Variants in CARS1 observed in about 807,000 individuals in gnomAD.
CARS1 encodes cysteine--tRNA ligase, cytoplasmic.
A neutral mutation model predicts 106.2 loss-of-function variants in CARS1; 48 were observed. The ratio of observed to expected loss-of-function variants is 0.45; its 90% CI spans 0.36 to 0.57. The LOEUF is 0.57. Ranked by LOEUF, CARS1 falls within the 20% of genes least tolerant of loss-of-function variation. The pLI is 0.00. For missense variants in CARS1, 968 were observed against 1,057.2 expected, an observed-to-expected ratio of 0.92 and a Z score of 1.17; for synonymous variants, 409 against 403.4, an observed-to-expected ratio of 1.01 and a Z score of -0.17.
intron 17 of CARS1, among the ~76,000 whole-genome samples, chr11:3,015,336 G>A (rs1267444064): frequency 1.3e-5 from 2 of 152,256 alleles, no homozygotes; most frequent in Non-Finnish European, 2.9e-5. Context: ...CCAGCCCCAT[G>A]GGGACCGAGG....
Position 3,042,200 on chromosome 11 carries a change from T to C in CARS1, c.331A>G (p.Arg111Gly). 1 of 1,614,006 alleles carries C rather than the reference T, an allele frequency of 6.2e-7. No individual in the cohort carries two copies. The highest frequency in any genetic ancestry group is 8.5e-7 in the Non-Finnish European group (1 of 1,180,010). ...WSPPAGTQPC[R>G]LHLYNSLTRN... ...GTGAGGCTGTTGTAAAGGTGGAGTCTGCATGGCTGGGTCCCAGCAGGAGGG... is the reference window on the plus strand; with the variant it reads ...GTGAGGCTGTTGTAAAGGTGGAGTCCGCATGGCTGGGTCCCAGCAGGAGGG... Residue 111 changes from arginine (R) to glycine (G), a missense_variant, in exon 3 of 23, where the codon AGA (arginine) becomes GGA (glycine). Coordinates refer to ENST00000380525, the MANE Select transcript of CARS1 (RefSeq NM_001014437.3).
Position 3,048,020 on chromosome 11 carries a change from C to T in CARS1, c.26-19G>A, listed in dbSNP as rs754342932. The stretch of plus-strand genomic sequence containing the variant: ...TCAGGAGCTGCAAAGACAGAGGGCA[C>T]ATGGTGTCAGGCAGGCAGGCGGGCA... On this transcript the variant is annotated intron_variant, in intron 1 of 22. Coordinates refer to ENST00000380525, the MANE Select transcript of CARS1 (RefSeq NM_001014437.3). This position sits in a 1 kb window ranked among gnomAD's most constrained non-coding sequence, Gnocchi z 5.1. 3 of 1,606,644 alleles carry T rather than the reference C, an allele frequency of 1.9e-6. No homozygotes were observed. The highest frequency in any genetic ancestry group is 2.2e-5 in the South Asian group (2 of 90,940).
At position 3,006,864 on chromosome 11, in the gene CARS1, C is replaced by G. The variant is rs1448494002; in HGVS notation, c.2149+15G>C. ...CTCCTGGTAACTTTGTAGCAAACAG[C>G]AAGGGCTCACCCACCTTCGTGGTCT... On this transcript the variant is annotated intron_variant, in intron 19 of 22. Transcript: ENST00000380525. 7.5e-6 allele frequency: 12 copies of G among 1,609,826 alleles called. No homozygotes were observed. Among genetic ancestry groups the G allele is most frequent in the Non-Finnish European group, 1.0e-5 (12 of 1,176,106 alleles).
rs994773165 is a variant in CARS1, at chr11:3,055,444, G to A, written c.25+1899C>T. ...GTGTGAGCCACTGCGCCTGGCCTAC[G>A]ATTGGATTTTATTTCCTGTTCTCAT... On this transcript the variant is annotated intron_variant, in intron 1 of 22. Coordinates refer to ENST00000380525, the MANE Select transcript of CARS1 (RefSeq NM_001014437.3). Among the ~76,000 whole-genome samples the A allele has an allele frequency of 5.3e-5, 8 of 152,300 alleles. No homozygotes were observed. The East Asian group carries it at 5.8e-4, about 11-fold the overall frequency.
At chr11:3,056,792 G>C (rs888695626) in intron 1 of CARS1, among the ~76,000 whole-genome samples, 3 of 152,190 alleles carry the variant, frequency 2.0e-5, no homozygotes, top group Non-Finnish European at 4.4e-5. Context: ...AGGGAGCGAG[G>C]GCCCGCCCAG....
In CARS1 at chr11:3,016,239, G is replaced by C. The variant is rs1163331059; in HGVS notation, c.1918-390C>G. Among the ~76,000 whole-genome samples the C allele has an allele frequency of 3.7e-4, 39 of 104,212 alleles. 1 individual carries two copies. The highest frequency in any genetic ancestry group is 2.1e-4 in the Admixed American group (2 of 9,528). 68.4% of individuals were successfully genotyped at this position (104,212 alleles called of 152,430 possible). ...TTGCTTCTCTTTTTTTTTTTTTTTT[G>C]AGATGGAATCTCACTCTGTCGCCCA... On this transcript the variant is annotated intron_variant, in intron 16 of 22. Coordinates refer to ENST00000380525, the MANE Select transcript of CARS1 (RefSeq NM_001014437.3).
Position 3,052,784 on chromosome 11 carries a change from G to A in CARS1, c.25+4559C>T, listed in dbSNP as rs1855822639. 6.6e-6 allele frequency among the ~76,000 whole-genome samples: 1 copy of A among 152,208 alleles called. No homozygotes were observed. The highest frequency in any genetic ancestry group is 2.4e-5 in the African/African-American group (1 of 41,440). ...ATAGGTCAGCTTTCAAGTGGTCATG[G>A]GTTTGAGCCAGGCTGTGGATCAGTC... is the stretch of plus-strand genomic sequence containing the variant. On this transcript the variant is annotated intron_variant, in intron 1 of 22. Transcript: ENST00000380525. The surrounding 1 kb of genome is among the most constrained non-coding windows in gnomAD (Gnocchi z 4.6).
rs781727989 is a variant in CARS1, at chr11:3,006,319, G to A, written c.2149+560C>T. ...AAATTAGCCGAGCGTGGTGATGGGC[G>A]TCTGTAATCCCAGCTACTCGGGAGG... On this transcript the variant is annotated intron_variant, in intron 19 of 22. Coordinates refer to ENST00000380525, the MANE Select transcript of CARS1 (RefSeq NM_001014437.3). Among the ~76,000 whole-genome samples, 7 of 152,250 alleles carry A rather than the reference G, an allele frequency of 4.6e-5. No homozygotes were observed. The South Asian group carries it at 1.2e-3, about 27-fold the overall frequency.
rs75861343 is a variant in CARS1 at position 3,050,449 on chromosome 11, G to C, written c.26-2448C>G. Among the ~76,000 whole-genome samples the C allele has an allele frequency of 2.6e-3, 392 of 152,222 alleles. 2 individuals are homozygous for C. Among genetic ancestry groups the C allele is most frequent in the African/African-American group, 9.1e-3 (377 of 41,516 alleles). On this transcript the variant is annotated intron_variant, in intron 1 of 22. Transcript: ENST00000380525. This position sits in a 1 kb window ranked among gnomAD's most constrained non-coding sequence, Gnocchi z 6.3. ...CCATAGCCAACCCACGGGAGGATCC[G>C]GGGCCTCTAACTCAAAAGAAGCTTT...
At position 3,048,209 on chromosome 11, in the gene CARS1, T is replaced by G. The variant is rs1250826765; in HGVS notation, c.26-208A>C. On this transcript the variant is annotated intron_variant, in intron 1 of 22. Transcript: ENST00000380525. This position sits in a 1 kb window ranked among gnomAD's most constrained non-coding sequence, Gnocchi z 5.1. ...TGACTGCCTGACAGGTATGGATGGGTTCCCTCTTGGGTGATGAAAATGCTT... is the reference window on the plus strand; with the variant it reads ...TGACTGCCTGACAGGTATGGATGGGGTCCCTCTTGGGTGATGAAAATGCTT... 3.6e-6 allele frequency: 2 copies of G among 560,418 alleles called. No individual in the cohort carries two copies. Among genetic ancestry groups the G allele is most frequent in the Non-Finnish European group, 3.1e-6 (1 of 318,268 alleles). The allele number at this position is 560,418 out of a possible 1,614,324, so 34.7% of individuals were successfully genotyped here.
At chr11:3,049,395 T>A (rs1855432735) in intron 1 of CARS1, among the ~76,000 whole-genome samples, 1 of 152,166 alleles carries the variant, frequency 6.6e-6, no homozygotes. Context: ...CTAAGGAATA[T>A]CTCCCTGCAA....
chr11:3,026,753 G>A lies in CARS1; in HGVS notation c.1076C>T (p.Ala359Val). The change falls in exon 10 of 23, where the codon GCT becomes GTT. Residue 359 changes from alanine (A) to valine (V), a missense_variant. Coordinates refer to ENST00000380525, the MANE Select transcript of CARS1 (RefSeq NM_001014437.3). ...GSVYFDTAKF[A>V]SSEKHSYGKL... ...CCCATAGGAGTGCTTCTCGCTAGAA[G>A]CAAACTTCGCTGTATCAAAGTAGAC... is the stretch of plus-strand genomic sequence containing the variant. 1 of 1,613,874 alleles carries A rather than the reference G, an allele frequency of 6.2e-7. No homozygotes were observed. The highest frequency in any genetic ancestry group is 8.5e-7 in the Non-Finnish European group (1 of 1,179,908).
rs750931201 is a variant in CARS1, at chr11:3,015,762, G to T, written c.1986+19C>A. On this transcript the variant is annotated intron_variant, in intron 17 of 22. Transcript: ENST00000380525. ...GGGAGGGAGCAGGTGCAGAAGGCAG[G>T]ACCCTGCATGCTACTCACACTGAGG... 2.8e-5 allele frequency: 45 copies of T among 1,611,984 alleles called. No homozygotes were observed. The highest frequency in any genetic ancestry group is 3.8e-5 in the Non-Finnish European group (45 of 1,178,162).
At position 3,019,194 on chromosome 11, in the gene CARS1, C is replaced by A. The variant is rs1407847554; in HGVS notation, c.1340G>T (p.Gly447Val). 2 of 1,531,464 alleles carry A rather than the reference C, an allele frequency of 1.3e-6. No homozygotes were observed. The highest frequency in any genetic ancestry group is 1.8e-6 in the Non-Finnish European group (2 of 1,141,510). 94.9% of individuals were successfully genotyped at this position (1,531,464 alleles called of 1,614,324 possible). A position where few individuals can be genotyped will look rare whatever the true frequency, so the allele number is the denominator to read the frequency against. ...TLLGASMDIH[G>V]GGFDLRFPHH... ...GGGGAACCGGAGGTCGAACCCACCT[C>A]CGTGAATGTCCATCGAAGCCCCTAG... is the stretch of plus-strand genomic sequence containing the variant. Residue 447 changes from glycine to valine, a missense_variant, in exon 12 of 23, where the codon GGA becomes GTA. Coordinates refer to ENST00000380525, the MANE Select transcript of CARS1 (RefSeq NM_001014437.3). The surrounding 1 kb of genome is among the most constrained non-coding windows in gnomAD (Gnocchi z 6.2).
At position 3,016,430 on chromosome 11, in the gene CARS1, A is replaced by G. The variant is rs189815917; in HGVS notation, c.1918-581T>C. Among the ~76,000 whole-genome samples the G allele has an allele frequency of 1.9e-3, 295 of 151,920 alleles. 1 individual carries two copies. The highest frequency in any genetic ancestry group is 6.6e-3 in the African/African-American group (275 of 41,446). On this transcript the variant is annotated intron_variant, in intron 16 of 22. Transcript: ENST00000380525. ...AGTAGAGACGGGGTTTCACCGTGTT[A>G]GTCAGGATGGTCTCCATCTCCTGAC...
Position 3,050,092 on chromosome 11 carries a change from A to G in CARS1, c.26-2091T>C, listed in dbSNP as rs55748839. 0.094 allele frequency among the ~76,000 whole-genome samples: 14,304 copies of G among 152,276 alleles called. 748 individuals are homozygous for G. Among genetic ancestry groups the G allele is most frequent in the African/African-American group, 0.12 (5,150 of 41,536 alleles). ...GGAGCCACGTGATGCCCCAAGGCCC[A>G]GCCTCCGTGGCTGCCGGAGAAGATG... On this transcript the variant is annotated intron_variant, in intron 1 of 22. Coordinates refer to ENST00000380525, the MANE Select transcript of CARS1 (RefSeq NM_001014437.3). This position sits in a 1 kb window ranked among gnomAD's most constrained non-coding sequence, Gnocchi z 6.3.
chr11:3,025,976 G>T (rs574740768), intron 10 of CARS1, among the ~76,000 whole-genome samples: 1 of 152,126 alleles, frequency 6.6e-6, no homozygotes, highest in Admixed American at 6.5e-5. Flanking sequence ...ACAGCACTGC[G>T]TTTACTGTCT....
intron 7 of CARS1, among the ~76,000 whole-genome samples, chr11:3,035,815 A>T (rs1853538139): frequency 6.6e-6 from 1 of 152,204 alleles, no homozygotes; most frequent in South Asian, 2.1e-4. Context: ...GGCTACTATG[A>T]AGATAAAAGT....
Position 3,029,348 on chromosome 11 carries a change from G to A in CARS1, c.897C>T (p.Pro299=). ...TGTGGAAGTCCCCCTCCCAGAACTT[G>A]GGCAGCTTGGAGAAGATGGAATTGT... is the stretch of plus-strand genomic sequence containing the variant. ...VTDNSIFSKL[P]KFWEGDFHRD... The change falls in exon 8 of 23, where the codon CCC becomes CCT. Residue 299 remains proline (P), a synonymous_variant. Transcript: ENST00000380525. The surrounding 1 kb of genome is among the most constrained non-coding windows in gnomAD (Gnocchi z 5.9). 2.5e-6 allele frequency: 4 copies of A among 1,614,002 alleles called. No homozygotes were observed. Among genetic ancestry groups the A allele is most frequent in the Non-Finnish European group, 3.4e-6 (4 of 1,179,904 alleles).
Sources: gnomAD v4.1 joint callset for allele counts (sites outside exome capture counted in the v4.1 genomes callset) on GRCh38, gnomAD v4.1.1 for gene constraint, Gnocchi (gnomAD v3.1) non-coding constraint, MANE v1.5 for transcripts, NCBI Gene and HGNC (gene_info 2026-07-23, HGNC 2026-07-21) for gene names.